The following ARHGEF10L variants were observed in gnomAD, a reference collection of about 807,000 sequenced individuals.
ARHGEF10L encodes rho guanine nucleotide exchange factor 10-like protein.
A neutral mutation model predicts 141.2 loss-of-function variants in ARHGEF10L; 69 were observed. The ratio of observed to expected loss-of-function variants is 0.49; its 90% confidence interval spans 0.40 to 0.60. The LOEUF (loss-of-function observed/expected upper bound fraction) is 0.60. Ranked by LOEUF, ARHGEF10L falls within the 20% of genes least tolerant of loss-of-function variation. ARHGEF10L has a pLI of 0.00. For synonymous variants in ARHGEF10L, 711 were observed against 718.5 expected (o/e 0.99, Z 0.17); for missense variants, 1,482 against 1,734.3 (o/e 0.85, Z 2.58).
At chr1:17,520,097 T>C in the ARHGEF10L span, among the ~76,000 whole-genome samples, 1 of 152,132 alleles carries the variant, frequency 6.6e-6, no homozygotes, top group Non-Finnish European at 1.5e-5. Context: ...CCCCTCTGGA[T>C]TCCCCATCTT....
chr1:17,649,772 C>T (rs949796494), intron 22 of ARHGEF10L, among the ~76,000 whole-genome samples: 19 of 152,126 alleles, frequency 1.2e-4, no homozygotes, highest in African/African-American at 4.6e-4. Flanking sequence ...CAGAGATGGC[C>T]TCTTGGAGGA....
intron 1 of ARHGEF10L, among the ~76,000 whole-genome samples, chr1:17,547,976 G>A (rs534593108): frequency 6.6e-6 from 1 of 152,200 alleles, no homozygotes; most frequent in Admixed American, 6.5e-5. Flanking sequence ...TTTCTATGTT[G>A]GGCCTTGGGC....
chr1:17,655,800 G>A (rs1401389574), intron 23 of ARHGEF10L, 79 bp from the exon 24 acceptor site: 1 of 1,335,506 alleles, frequency 7.5e-7, no homozygotes, highest in Non-Finnish European at 1.0e-6. Context: ...TGGGGTCCTT[G>A]GGAAAGCAGG....
upstream of ARHGEF10L, among the ~76,000 whole-genome samples, chr1:17,537,940 C>T (rs1022912604): frequency 7.9e-5 from 12 of 151,576 alleles, no homozygotes; most frequent in African/African-American, 2.9e-4. Context: ...ACAGGCACCA[C>T]CATGCCCGCA....
At chr1:17,661,824 G>T (rs1194801385) in intron 25 of ARHGEF10L, among the ~76,000 whole-genome samples, 2 of 152,248 alleles carry the variant, frequency 1.3e-5, no homozygotes, top group Non-Finnish European at 2.9e-5. Context: ...CCCTGGCGGA[G>T]CCCTGGCCGC....
rs34932492 is a variant in ARHGEF10L, at chr1:17,575,851, C to G, written c.-43-4702C>G. Among the ~76,000 whole-genome samples, 77 of 152,292 alleles carry G rather than the reference C, an allele frequency of 5.1e-4. 1 individual carries two copies. The South Asian group carries it at 0.015, about 30-fold the overall frequency. ...AGCCCAAGCACCTGGTCTTTCCCCC[C>G]ATTCCCCACCTTCTTTCTGCTTCAG... On this transcript the variant is annotated intron_variant, in intron 1 of 28. Coordinates refer to ENST00000361221, the MANE Select transcript of ARHGEF10L (RefSeq NM_018125.4).
rs183419243 is a variant in ARHGEF10L at position 17,610,006 on chromosome 1, G to T, written c.609+2029G>T. On this transcript the variant is annotated intron_variant, in intron 7 of 28. Transcript: ENST00000361221. ...GTCCTGGCCCAGCCTTTTAGCCTCAGCCTCTGGCGTTCCTCCTCCTCTCCC... is the reference window on the plus strand; with the variant it reads ...GTCCTGGCCCAGCCTTTTAGCCTCATCCTCTGGCGTTCCTCCTCCTCTCCC... 3.3e-5 allele frequency among the ~76,000 whole-genome samples: 5 copies of T among 152,334 alleles called. No individual in the cohort carries two copies. The East Asian group carries it at 9.7e-4, about 29-fold the overall frequency.
At chr1:17,664,280 G>A (rs757576723) in intron 25 of ARHGEF10L, among the ~76,000 whole-genome samples, 167 bp from the exon 26 acceptor site, 1 of 152,160 alleles carries the variant, frequency 6.6e-6, no homozygotes. Flanking sequence ...GGTGGGAGTC[G>A]GAGGCAGATG....
At chr1:17,521,817 G>T in the ARHGEF10L span, among the ~76,000 whole-genome samples, 1 of 152,126 alleles carries the variant, frequency 6.6e-6, no homozygotes, top group Admixed American at 6.5e-5. Context: ...TAGGGAGGGG[G>T]TCCTGCCTGT....
intron 1 of ARHGEF10L, 131 bp from the exon 2 acceptor site, chr1:17,580,422 C>T: frequency 2.8e-6 from 2 of 703,916 alleles, no homozygotes; most frequent in Non-Finnish European, 5.0e-6. Context: ...GAGGCTGGGG[C>T]CTTTCTGGGG....
At chr1:17,648,994 T>C (rs998523881) in intron 22 of ARHGEF10L, among the ~76,000 whole-genome samples, 3 of 152,252 alleles carry the variant, frequency 2.0e-5, no homozygotes, top group Non-Finnish European at 4.4e-5. Context: ...TGCCAGCCAC[T>C]GTGGGTTGGG....
chr1:17,654,518 C>A lies in ARHGEF10L; in HGVS notation c.2395-118C>A. On this transcript the variant is annotated intron_variant, in intron 22 of 28. Transcript: ENST00000361221. This position sits in a 1 kb window ranked among gnomAD's most constrained non-coding sequence, Gnocchi z 4.3. Reference sequence around the variant, plus strand: ...CTCGTGAAGCATGTTGCTTTCCTGGCCCCCACCCACAGGGATTCTAATCCA... The same window carrying A: ...CTCGTGAAGCATGTTGCTTTCCTGGACCCCACCCACAGGGATTCTAATCCA... The A allele has an allele frequency of 1.1e-6, 1 of 877,002 alleles. No individual in the cohort carries two copies. Among genetic ancestry groups the A allele is most frequent in the Non-Finnish European group, 1.9e-6 (1 of 514,956 alleles). 54.3% of individuals were successfully genotyped at this position (877,002 alleles called of 1,614,324 possible).
intron 19 of ARHGEF10L, 106 bp downstream of exon 19, chr1:17,638,109 G>A (rs902256088): frequency 6.0e-6 from 6 of 997,608 alleles, no homozygotes; most frequent in South Asian, 4.9e-5. Context: ...CCATGTCCCC[G>A]ATGTGCTCCT....
intron 26 of ARHGEF10L, among the ~76,000 whole-genome samples, chr1:17,667,886 G>A (rs562645507): frequency 3.3e-5 from 5 of 152,144 alleles, no homozygotes; most frequent in Admixed American, 6.5e-5. Context: ...CCTGTGTCCC[G>A]GCCACTTCCA....
At chr1:17,671,604 C>G (rs781186334) in intron 26 of ARHGEF10L, among the ~76,000 whole-genome samples, 1 of 152,314 alleles carries the variant, frequency 6.6e-6, no homozygotes, top group Non-Finnish European at 1.5e-5. Flanking sequence ...GGGCAAGTGG[C>G]GTCAGCATTT....
At chr1:17,516,721 T>G in the ARHGEF10L span, among the ~76,000 whole-genome samples, 1 of 152,098 alleles carries the variant, frequency 6.6e-6, no homozygotes, top group African/African-American at 2.4e-5. Context: ...GGGGGCAGCA[T>G]CATCCCCTGC....
chr1:17,566,760 C>T (rs1015141827), intron 1 of ARHGEF10L, among the ~76,000 whole-genome samples: 2 of 152,206 alleles, frequency 1.3e-5, no homozygotes, highest in African/African-American at 4.8e-5. Context: ...TATTCTCCTT[C>T]ACCTCACAGC....
rs1015022326 is a variant in ARHGEF10L, at chr1:17,656,794, G to T, written c.2860+86G>T. ...TCTCTACCAAGAGAGGATACAGGAGGCTGGGCAGGAATGAATTGGGAAATC... is the reference window on the plus strand; with the variant it reads ...TCTCTACCAAGAGAGGATACAGGAGTCTGGGCAGGAATGAATTGGGAAATC... On this transcript the variant is annotated intron_variant, in intron 25 of 28. Transcript: ENST00000361221. The surrounding 1 kb of genome is among the most constrained non-coding windows in gnomAD (Gnocchi z 4.9). The T allele has an allele frequency of 4.0e-6, 6 of 1,483,684 alleles. No homozygotes were observed. The highest frequency in any genetic ancestry group is 2.0e-5 in the Admixed American group (1 of 49,976). 91.9% of individuals were successfully genotyped at this position (1,483,684 alleles called of 1,614,324 possible).
chr1:17,529,923 C>G, the ARHGEF10L span, among the ~76,000 whole-genome samples: 1 of 149,568 alleles, frequency 6.7e-6, no homozygotes, highest in East Asian at 2.0e-4. Flanking sequence ...ACCTCCACCT[C>G]CCAGGTTCAA....
Sources: gnomAD v4.1 joint callset for allele counts (sites outside exome capture counted in the v4.1 genomes callset) on GRCh38, gnomAD v4.1.1 for gene constraint, Gnocchi (gnomAD v3.1) non-coding constraint, MANE v1.5 for transcripts, NCBI Gene and HGNC (gene_info 2026-07-23, HGNC 2026-07-21) for gene names.